The following DPH6 variants were observed in gnomAD, a reference collection of about 807,000 sequenced individuals.
DPH6 encodes the protein diphthine--ammonia ligase.
DPH6 carries 33 observed loss-of-function variants against 38.2 expected under a neutral mutation model. The observed-to-expected ratio is 0.86, with a 90% confidence interval of 0.65 to 1.15. The LOEUF (loss-of-function observed/expected upper bound fraction) is 1.15. Among genes scored for constraint, DPH6 ranks in the 50% most tolerant of loss-of-function variants. The pLI, the probability that DPH6 is intolerant of heterozygous loss-of-function variation, is 0.00. For missense variants in DPH6, 325 were observed against 320.0 expected, an observed-to-expected ratio of 1.02 and a Z score of -0.12; for synonymous variants, 108 against 103.0, an observed-to-expected ratio of 1.05 and a Z score of -0.30.
At chr15:35,527,027 T>C (rs114008035) in intron 3 of DPH6, among the ~76,000 whole-genome samples, 2 of 152,290 alleles carry the variant, frequency 1.3e-5, no homozygotes, top group African/African-American at 2.4e-5. Flanking sequence ...CAATCTATAA[T>C]ATAAATTTAC....
chr15:35,474,757 A>T (rs1041550675), intron 3 of DPH6, among the ~76,000 whole-genome samples: 4 of 152,270 alleles, frequency 2.6e-5, no homozygotes, highest in Admixed American at 2.6e-4. Flanking sequence ...AACTGCTCTG[A>T]AAAGTAGTAA....
intron 6 of DPH6, among the ~76,000 whole-genome samples, chr15:35,409,244 G>A (rs1489217318): frequency 6.6e-6 from 1 of 151,848 alleles, no homozygotes; most frequent in Admixed American, 6.6e-5. Context: ...TTTCCTCTGT[G>A]AAGGAAGATG....
chr15:35,437,234 G>C (rs941531625), intron 5 of DPH6, among the ~76,000 whole-genome samples: 8 of 152,128 alleles, frequency 5.3e-5, no homozygotes, highest in African/African-American at 1.9e-4. Flanking sequence ...TTCTAGATGA[G>C]TAGCCATTCA....
At chr15:35,351,864 G>C (rs1437654980) in intron 3 of DPH6, among the ~76,000 whole-genome samples, 1 of 151,774 alleles carries the variant, frequency 6.6e-6, no homozygotes, top group African/African-American at 2.4e-5. Flanking sequence ...TAGGACCACT[G>C]GTGCTCACCA....
At chr15:35,280,075 A>G (rs1018440492) in intron 3 of DPH6, among the ~76,000 whole-genome samples, 3 of 152,208 alleles carry the variant, frequency 2.0e-5, no homozygotes, top group African/African-American at 7.2e-5. Flanking sequence ...CCCAGCCTCC[A>G]GAACTGTGAG....
chr15:35,212,639 A>C (rs138639345), downstream of DPH6, among the ~76,000 whole-genome samples: 1 of 152,372 alleles, frequency 6.6e-6, no homozygotes, highest in Admixed American at 6.5e-5. Flanking sequence ...GCATATTATT[A>C]GGTTGAATTA....
At chr15:35,164,621 G>A in the DPH6 span, among the ~76,000 whole-genome samples, 10 of 151,632 alleles carry the variant, frequency 6.6e-5, no homozygotes, top group East Asian at 1.9e-4. Flanking sequence ...ATAATATAGC[G>A]TTTCTGTGGG....
At chr15:35,335,272 T>C (rs753895654) in intron 3 of DPH6, among the ~76,000 whole-genome samples, 1 of 152,212 alleles carries the variant, frequency 6.6e-6, no homozygotes, top group Non-Finnish European at 1.5e-5. Flanking sequence ...TTTAAGTTCC[T>C]TGTAGACTCT....
At chr15:35,214,069 G>A (rs142269821), downstream of DPH6, among the ~76,000 whole-genome samples, 1,448 of 149,650 alleles carry the variant, frequency 9.7e-3, 26 homozygotes, top group African/African-American at 0.034. Flanking sequence ...CTGAGATTGC[G>A]CCACTGCACT....
At chr15:35,445,210 T>TCACATA (rs2053836711) in intron 5 of DPH6, among the ~76,000 whole-genome samples, 1 of 152,130 alleles carries the variant, frequency 6.6e-6, no homozygotes, top group African/African-American at 2.4e-5. Context: ...CCATTCACAT[T>TCACATA]CACATATTCT....
At chr15:35,425,566 A>C (rs1261273110) in intron 5 of DPH6, among the ~76,000 whole-genome samples, 1 of 151,100 alleles carries the variant, frequency 6.6e-6, no homozygotes, top group Non-Finnish European at 1.5e-5. Flanking sequence ...TAGAATTACG[A>C]TATAGTGCAT....
chr15:35,506,050 C>T (rs2054689605), intron 3 of DPH6, among the ~76,000 whole-genome samples: 1 of 151,882 alleles, frequency 6.6e-6, no homozygotes, highest in South Asian at 2.1e-4. Flanking sequence ...GCCCAAGACA[C>T]AAAAAGAGAA....
chr15:35,358,310 C>T (rs1349335759), intron 3 of DPH6, among the ~76,000 whole-genome samples: 6 of 152,102 alleles, frequency 3.9e-5, no homozygotes, highest in Non-Finnish European at 7.3e-5. Context: ...GATTTCCTTG[C>T]ATTAGGCTTT....
At chr15:35,496,989 C>T (rs2054567065) in intron 3 of DPH6, among the ~76,000 whole-genome samples, 1 of 152,084 alleles carries the variant, frequency 6.6e-6, no homozygotes, top group African/African-American at 2.4e-5. Flanking sequence ...ACTGAAGCCC[C>T]TCTTTAAGAA....
At chr15:35,484,814 T>C (rs757545136) in intron 3 of DPH6, among the ~76,000 whole-genome samples, 37 of 152,342 alleles carry the variant, frequency 2.4e-4, no homozygotes, top group Admixed American at 5.2e-4. Flanking sequence ...CCTATCACAA[T>C]TGGATTAGTT....
At chr15:35,443,170 T>C (rs1039206545) in intron 5 of DPH6, among the ~76,000 whole-genome samples, 1 of 152,174 alleles carries the variant, frequency 6.6e-6, no homozygotes, top group Admixed American at 6.5e-5. Flanking sequence ...AAAATTCTTT[T>C]TAACTGTTCT....
intron 4 of DPH6, among the ~76,000 whole-genome samples, chr15:35,451,927 G>A (rs1225716309): frequency 2.6e-5 from 4 of 152,106 alleles, no homozygotes; most frequent in South Asian, 2.1e-4. Context: ...GGAGAATGGC[G>A]TGAACCTGGG....
intron 5 of DPH6, among the ~76,000 whole-genome samples, chr15:35,446,972 C>T (rs888531345): frequency 2.0e-5 from 3 of 151,766 alleles, no homozygotes; most frequent in African/African-American, 2.4e-5. Context: ...GGGTTCATGC[C>T]ATTCTCCTGC....
intron 3 of DPH6, among the ~76,000 whole-genome samples, chr15:35,506,799 C>T (rs776845957): frequency 1.3e-5 from 2 of 152,024 alleles, no homozygotes; most frequent in African/African-American, 4.8e-5. Context: ...GCATTTTTAA[C>T]GAATTTTATT....
Sources: gnomAD v4.1 joint callset for allele counts (sites outside exome capture counted in the v4.1 genomes callset) on GRCh38, gnomAD v4.1.1 for gene constraint, MANE v1.5 for transcripts, NCBI Gene and HGNC (gene_info 2026-07-23, HGNC 2026-07-21) for gene names.